SPAG17: variants seen among roughly 807,000 people sequenced by gnomAD.
SPAG17 encodes the protein sperm-associated antigen 17.
Under a neutral mutation model 273.6 loss-of-function variants are expected in SPAG17, and 169 were observed. The ratio of observed to expected loss-of-function variants is 0.62; its 90% CI spans 0.55 to 0.70. SPAG17 has a LOEUF of 0.70. Among genes scored for constraint, SPAG17 ranks in the 30% least tolerant of loss-of-function variants. SPAG17 has a pLI of 0.00. For missense variants in SPAG17, 2,557 were observed against 2,627.8 expected (o/e 0.97, Z 0.59); for synonymous variants, 825 against 873.2 (o/e 0.94, Z 0.97).
chr1:118,155,668 G>A (rs1352776786), intron 1 of SPAG17, among the ~76,000 whole-genome samples: 1 of 152,164 alleles, frequency 6.6e-6, no homozygotes, highest in Non-Finnish European at 1.5e-5. Flanking sequence ...ACGTACAAAT[G>A]CCCCAGGTAA....
chr1:117,992,572 G>A lies in SPAG17; in HGVS notation c.5255C>T (p.Ala1752Val), dbSNP rs1394328078. ...LCIESKQLVS[A>V]PGAILKSPSV... ...GGGGCTCTTGAGTATGGCACCCGGG[G>A]CACTCACTAGCTGTTTGGACTCAAT... The change falls in exon 36 of 49, where the codon GCC becomes GTC. Residue 1752 changes from alanine (A) to valine (V), a missense_variant. Ala to Val is a moderately conservative substitution (Grantham distance 64). Coordinates refer to ENST00000336338, the MANE Select transcript of SPAG17 (RefSeq NM_206996.4). The A allele has an allele frequency of 1.2e-6, 2 of 1,613,532 alleles. No homozygotes were observed. Among genetic ancestry groups the A allele is most frequent in the Non-Finnish European group, 1.7e-6 (2 of 1,179,834 alleles).
At chr1:117,994,648 A>T (rs1315501755) in intron 34 of SPAG17, 118 bp from the exon 35 acceptor site, 1 of 995,226 alleles carries the variant, frequency 1.0e-6, no homozygotes, top group Non-Finnish European at 1.4e-6. Context: ...TGAAAGACTA[A>T]TGAGACACAA....
intron 48 of SPAG17, chr1:117,958,933 G>T: frequency 6.2e-7 from 1 of 1,613,964 alleles, no homozygotes; most frequent in Non-Finnish European, 8.5e-7. Flanking sequence ...CAGATCACTA[G>T]CAATCAAATG....
intron 3 of SPAG17, among the ~76,000 whole-genome samples, chr1:118,132,945 G>T (rs946014649): frequency 6.6e-6 from 1 of 151,948 alleles, no homozygotes; most frequent in African/African-American, 2.4e-5. Context: ...CTATTTTTTT[G>T]TATTTTTAGT....
chr1:118,109,207 T>C (rs1201870978), intron 4 of SPAG17, among the ~76,000 whole-genome samples: 12 of 150,708 alleles, frequency 8.0e-5, no homozygotes, highest in African/African-American at 2.9e-4. Flanking sequence ...AGTGGCGCGA[T>C]GTCAGCTCAC....
At chr1:117,966,020 G>A (rs1298523979) in intron 47 of SPAG17, 1 of 152,134 alleles carries the variant, frequency 6.6e-6, no homozygotes, top group African/African-American at 2.4e-5. Context: ...ATAGAGAACT[G>A]TAACACAAGC....
At chr1:118,049,361 A>C (rs1434672242) in intron 20 of SPAG17, among the ~76,000 whole-genome samples, 1 of 152,350 alleles carries the variant, frequency 6.6e-6, no homozygotes, top group South Asian at 2.1e-4. Flanking sequence ...GCACATTTGA[A>C]AGGCTCATTC....
At chr1:117,974,285 T>C (rs1460864121) in intron 43 of SPAG17, among the ~76,000 whole-genome samples, 3 of 152,196 alleles carry the variant, frequency 2.0e-5, no homozygotes, top group African/African-American at 7.2e-5. Context: ...TGCCTTTTCA[T>C]TTTAGAAAGT....
intron 47 of SPAG17, chr1:117,964,236 C>CTTTT (rs373131863): frequency 2.3e-5 from 3 of 131,804 alleles, no homozygotes; most frequent in East Asian, 2.0e-4. Flanking sequence ...AGATTTCATG[C>CTTTT]TTTTTTTTTT....
At chr1:118,051,244 A>G (rs999094320) in intron 20 of SPAG17, among the ~76,000 whole-genome samples, 2 of 152,054 alleles carry the variant, frequency 1.3e-5, no homozygotes, top group Non-Finnish European at 1.5e-5. Flanking sequence ...CAAGATAATA[A>G]ATGTTGGGGA....
chr1:117,959,245 A>G, intron 48 of SPAG17: 3 of 1,588,710 alleles, frequency 1.9e-6, no homozygotes, highest in African/African-American at 2.7e-5. Flanking sequence ...GCTATAATGA[A>G]TTGAAGTGGG....
chr1:118,054,527 ATATC>A (rs1360337869), intron 19 of SPAG17, among the ~76,000 whole-genome samples: 1 of 152,070 alleles, frequency 6.6e-6, no homozygotes, highest in Non-Finnish European at 1.5e-5. Flanking sequence ...ATTGAATGCA[ATATC>A]TATCAGGTGC....
intron 30 of SPAG17, among the ~76,000 whole-genome samples, chr1:118,010,845 A>C (rs1659394838): frequency 6.6e-6 from 1 of 152,210 alleles, no homozygotes; most frequent in African/African-American, 2.4e-5. Context: ...GCTAACATCC[A>C]GCATCCGTAA....
At chr1:118,021,908 C>T (rs1660534968) in intron 28 of SPAG17, among the ~76,000 whole-genome samples, 1 of 152,164 alleles carries the variant, frequency 6.6e-6, no homozygotes, top group Non-Finnish European at 1.5e-5. Flanking sequence ...TATCTGGATA[C>T]TTCTCTAACC....
At chr1:117,969,131 ATAATT>A (rs571315629) in intron 46 of SPAG17, among the ~76,000 whole-genome samples, 145 of 152,288 alleles carry the variant, frequency 9.5e-4, no homozygotes, top group African/African-American at 3.3e-3. Context: ...TTCTGAAATT[ATAATT>A]TAAAGTGAGA....
At chr1:117,996,156 A>C (rs760204361) in intron 34 of SPAG17, among the ~76,000 whole-genome samples, 3 of 152,136 alleles carry the variant, frequency 2.0e-5, no homozygotes, top group African/African-American at 7.2e-5. Flanking sequence ...ACTGGTGCTC[A>C]GATGTATCTT....
intron 24 of SPAG17, 146 bp from the exon 25 acceptor site, chr1:118,032,013 G>C: frequency 3.0e-6 from 2 of 668,884 alleles, no homozygotes; most frequent in East Asian, 5.5e-5. Flanking sequence ...ATAGATTTCA[G>C]GAGTAATGAA....
chr1:118,091,256 G>A (rs1655350313), intron 10 of SPAG17, among the ~76,000 whole-genome samples: 1 of 152,100 alleles, frequency 6.6e-6, no homozygotes, highest in Non-Finnish European at 1.5e-5. Context: ...AAATCTACAA[G>A]CATGAAAGAA....
At chr1:117,962,233 C>T (rs1653194596) in intron 48 of SPAG17, 1 of 152,024 alleles carries the variant, frequency 6.6e-6, no homozygotes, top group Non-Finnish European at 1.5e-5. Context: ...AGAACCTAGC[C>T]AAGTTACAAT....
Sources: allele counts gnomAD v4.1 joint callset (sites outside exome capture counted in the v4.1 genomes callset), GRCh38; gene constraint gnomAD v4.1.1; transcripts MANE v1.5; gene names NCBI Gene and HGNC (gene_info 2026-07-23, HGNC 2026-07-21).